Variants in ZNF618 observed in about 807,000 individuals in gnomAD.
ZNF618 encodes zinc finger protein 618.
ZNF618 carries 34 observed loss-of-function variants against 103.0 expected under a neutral mutation model. The ratio of observed to expected loss-of-function variants is 0.33; its 90% CI spans 0.25 to 0.44. The LOEUF is 0.44. ZNF618 is among the 20% of genes least tolerant of loss of function. ZNF618 has a pLI of 1.00. For synonymous variants in ZNF618, 551 were observed against 542.2 expected (o/e 1.02, Z -0.23); for missense variants, 1,059 against 1,295.4 (o/e 0.82, Z 2.80).
intron 2 of ZNF618, among the ~76,000 whole-genome samples, chr9:113,984,813 C>A (rs574209507): frequency 6.6e-6 from 1 of 152,196 alleles, no homozygotes; most frequent in Non-Finnish European, 1.5e-5. Flanking sequence ...CTTTACCCCC[C>A]GGCTTGAATG....
intron 1 of ZNF618, among the ~76,000 whole-genome samples, chr9:113,888,268 G>A (rs1034374017): frequency 2.0e-5 from 3 of 152,142 alleles, no homozygotes; most frequent in African/African-American, 4.8e-5. Context: ...CTTGAGACAC[G>A]GCTACCCATT....
At chr9:113,945,457 C>T (rs1164355690) in intron 1 of ZNF618, among the ~76,000 whole-genome samples, 1 of 152,196 alleles carries the variant, frequency 6.6e-6, no homozygotes, top group African/African-American at 2.4e-5. Context: ...TGTTGCATGT[C>T]AAGAGTACAG....
At position 114,007,208 on chromosome 9, in the gene ZNF618, G is replaced by A. The variant is rs1841830394; in HGVS notation, c.551-142G>A. 1.6e-5 allele frequency: 11 copies of A among 691,880 alleles called. No homozygotes were observed. In the South Asian group the frequency reaches 2.1e-4, roughly 13 times the overall value. The allele number at this position is 691,880 out of a possible 1,614,324, so 42.9% of individuals were successfully genotyped here. Reference sequence around the variant, plus strand: ...CTTCTGATCCTCAGTTTCCTCATGTGTAAAATGAGAGACTGCTTCCTCCCT... The same window carrying A: ...CTTCTGATCCTCAGTTTCCTCATGTATAAAATGAGAGACTGCTTCCTCCCT... On this transcript the variant is annotated intron_variant, in intron 6 of 14. Coordinates refer to ENST00000374126, the MANE Select transcript of ZNF618 (RefSeq NM_001318042.2).
At chr9:113,992,566 G>A (rs999468687) in intron 3 of ZNF618, among the ~76,000 whole-genome samples, 6 of 152,176 alleles carry the variant, frequency 3.9e-5, no homozygotes, top group Non-Finnish European at 7.3e-5. Context: ...GCTGGGTGCT[G>A]TGGTGCCCAG....
chr9:113,876,787 T>C (rs1587897064), intron 1 of ZNF618, among the ~76,000 whole-genome samples: 1 of 98,616 alleles, frequency 1.0e-5, no homozygotes, highest in Admixed American at 1.2e-4. Context: ...AAATTTGCAA[T>C]TTTCCCCTGA....
intron 1 of ZNF618, among the ~76,000 whole-genome samples, chr9:113,899,583 G>A (rs1382184809): frequency 1.3e-5 from 2 of 152,142 alleles, no homozygotes; most frequent in Non-Finnish European, 2.9e-5. Context: ...ATCTGAGGTG[G>A]GACAGTTCCA....
rs557884255 is a variant in ZNF618 at position 113,915,699 on chromosome 9, G to A, written c.33+39286G>A. ...TGGGGAGTGGTGGGACATAAAAGGT[G>A]TGTGTGGGGTTTCTGGGGGAAGGAG... On this transcript the variant is annotated intron_variant, in intron 1 of 14. Coordinates refer to ENST00000374126, the MANE Select transcript of ZNF618 (RefSeq NM_001318042.2). Among the ~76,000 whole-genome samples, 305 of 152,240 alleles carry A rather than the reference G, an allele frequency of 2.0e-3. 1 individual carries two copies. The highest frequency in any genetic ancestry group is 7.1e-3 in the African/African-American group (293 of 41,536).
chr9:114,034,547 G>A (rs1205620710), intron 12 of ZNF618, among the ~76,000 whole-genome samples: 2 of 152,218 alleles, frequency 1.3e-5, no homozygotes, highest in African/African-American at 4.8e-5. Context: ...ACAGCCCCAT[G>A]GGGGTCAATG....
chr9:113,879,122 G>A (rs762005935), intron 1 of ZNF618, among the ~76,000 whole-genome samples: 19 of 151,666 alleles, frequency 1.3e-4, no homozygotes, highest in Non-Finnish European at 2.4e-4. Flanking sequence ...GCCTCATGAG[G>A]CAGAAGGCCT....
chr9:113,975,660 G>A (rs1838399883), intron 2 of ZNF618, among the ~76,000 whole-genome samples: 1 of 152,072 alleles, frequency 6.6e-6, no homozygotes. Context: ...CACATGTAGT[G>A]GAAATATTCC....
rs77880927 is a variant in ZNF618 at position 114,008,461 on chromosome 9, G to C, written c.677-16G>C. ...CTGGGGGACCAGGGTGCTAAGGGCCGTGTGTTCTCCCACAGACCCCTTCGA... is the reference window on the plus strand; with the variant it reads ...CTGGGGGACCAGGGTGCTAAGGGCCCTGTGTTCTCCCACAGACCCCTTCGA... On this transcript the variant is annotated splice_polypyrimidine_tract_variant and intron_variant, in intron 8 of 14. Transcript: ENST00000374126. The C allele has an allele frequency of 1.9e-6, 3 of 1,613,912 alleles. No homozygotes were observed. The highest frequency in any genetic ancestry group is 2.2e-5 in the South Asian group (2 of 91,066).
chr9:114,002,689 T>C, intron 6 of ZNF618, 27 bp downstream of exon 6: 4 of 1,609,656 alleles, frequency 2.5e-6, no homozygotes, highest in Non-Finnish European at 3.4e-6. Context: ...CCTCGTGGGC[T>C]GCTGAGGGGC....
chr9:114,001,942 G>A, intron 4 of ZNF618, 54 bp from the exon 5 acceptor site: 1 of 1,505,486 alleles, frequency 6.6e-7, no homozygotes, highest in Non-Finnish European at 9.3e-7. Flanking sequence ...TGGGTCCTGG[G>A]ACCTTGTGGT....
At chr9:114,037,172 C>T (rs2134362790) in intron 13 of ZNF618, among the ~76,000 whole-genome samples, 1 of 152,262 alleles carries the variant, frequency 6.6e-6, no homozygotes, top group African/African-American at 2.4e-5. Context: ...GTTAAACATA[C>T]AGACCATTTA....
intron 10 of ZNF618, among the ~76,000 whole-genome samples, chr9:114,025,733 C>T (rs913233698): frequency 6.6e-6 from 1 of 152,140 alleles, no homozygotes. Context: ...TGCCTTATAC[C>T]TTTGGGACCA....
intron 10 of ZNF618, among the ~76,000 whole-genome samples, chr9:114,025,700 C>T (rs1297293884): frequency 1.3e-5 from 2 of 151,150 alleles, no homozygotes; most frequent in African/African-American, 4.8e-5. Flanking sequence ...AGCCATACCT[C>T]TCTGAGCTTG....
At chr9:113,947,787 A>G (rs932986255) in intron 1 of ZNF618, among the ~76,000 whole-genome samples, 4 of 152,200 alleles carry the variant, frequency 2.6e-5, no homozygotes, top group African/African-American at 7.2e-5. Context: ...TCTCAACTAG[A>G]AAAACAAGTG....
chr9:113,892,026 G>A (rs1289185423), intron 1 of ZNF618, among the ~76,000 whole-genome samples: 4 of 152,142 alleles, frequency 2.6e-5, no homozygotes, highest in African/African-American at 7.2e-5. Flanking sequence ...GAAGTCAAAC[G>A]CAGAAATGGA....
intron 3 of ZNF618, among the ~76,000 whole-genome samples, chr9:113,993,319 G>A (rs1840253521): frequency 1.3e-5 from 2 of 152,216 alleles, no homozygotes; most frequent in South Asian, 4.1e-4. Context: ...ATTGATTACT[G>A]TACATTGTCC....
Sources: allele counts gnomAD v4.1 joint callset (sites outside exome capture counted in the v4.1 genomes callset), GRCh38; gene constraint gnomAD v4.1.1; transcripts MANE v1.5; gene names NCBI Gene and HGNC (gene_info 2026-07-23, HGNC 2026-07-21).